BPIFC: variants seen among roughly 807,000 people sequenced by gnomAD.
The protein encoded by BPIFC is BPI fold-containing family C protein.
Under a neutral mutation model 57.6 loss-of-function variants are expected in BPIFC, and 60 were observed. That is an observed-to-expected ratio of 1.04 (90% CI 0.85 to 1.29). The LOEUF is 1.29. BPIFC is among the 50% of genes most tolerant of loss of function. BPIFC has a pLI of 0.00. For missense variants in BPIFC, 581 were observed against 600.5 expected, an observed-to-expected ratio of 0.97 and a Z score of 0.34; for synonymous variants, 243 against 224.5, an observed-to-expected ratio of 1.08 and a Z score of -0.74.
In BPIFC at chr22:32,431,632, AT is replaced by A. The variant is rs928797714; in HGVS notation, c.1150-219del. 1.8e-3 allele frequency among the ~76,000 whole-genome samples: 275 copies of A among 149,518 alleles called. 1 individual carries two copies. The highest frequency in any genetic ancestry group is 5.9e-3 in the African/African-American group (241 of 40,840). On this transcript the variant is annotated intron_variant, in intron 12 of 16. Transcript: ENST00000300399. ...CTTTTTGTTTGATGATCTCCTTTGA[AT>A]TTTTTTTTTCTCCTAATCGCTCTTC...
chr22:32,447,108 G>A (rs1934750830), intron 5 of BPIFC, 104 bp downstream of exon 5: 4 of 1,368,558 alleles, frequency 2.9e-6, no homozygotes, highest in Non-Finnish European at 2.9e-6. Flanking sequence ...TGTTAATAAT[G>A]AGGGAAAGAA....
chr22:32,435,883 G>C lies in BPIFC; in HGVS notation c.748-3C>G, dbSNP rs1278453974. 5 of 1,607,854 alleles carry C rather than the reference G, an allele frequency of 3.1e-6. No homozygotes were observed. The highest frequency in any genetic ancestry group is 4.2e-6 in the Non-Finnish European group (5 of 1,178,354). ...TTTTCCAGTGGGTAGAATACACCCT[G>C]TGGGAAAAGAGAGAGAAAGACCAGT... On this transcript the variant is annotated splice_region_variant and splice_polypyrimidine_tract_variant and intron_variant, in intron 9 of 16. Transcript: ENST00000300399.
intron 13 of BPIFC, 45 bp downstream of exon 13, chr22:32,431,302 C>T: frequency 1.3e-6 from 2 of 1,496,062 alleles, no homozygotes; most frequent in Non-Finnish European, 9.3e-7. Flanking sequence ...TCAGTTGACT[C>T]ACTTATTACT....
At chr22:32,461,820 T>C (rs1935165763) in intron 1 of BPIFC, among the ~76,000 whole-genome samples, 159 bp from the exon 2 acceptor site, 1 of 152,150 alleles carries the variant, frequency 6.6e-6, no homozygotes, top group Non-Finnish European at 1.5e-5. Flanking sequence ...CACTGCCGGC[T>C]AAAAATTGTA....
chr22:32,457,227 G>C (rs907485487), intron 3 of BPIFC, 36 bp downstream of exon 3: 1 of 1,574,180 alleles, frequency 6.4e-7, no homozygotes, highest in African/African-American at 1.4e-5. Flanking sequence ...CCACCTAGTG[G>C]GCCTGAGGTC....
At chr22:32,455,912 T>C (rs1165534541) in intron 3 of BPIFC, among the ~76,000 whole-genome samples, 2 of 152,234 alleles carry the variant, frequency 1.3e-5, no homozygotes, top group African/African-American at 2.4e-5. Flanking sequence ...CCATGCTATA[T>C]TTCCTGTGGG....
chr22:32,444,878 T>C (rs1245359458), intron 7 of BPIFC, among the ~76,000 whole-genome samples: 1 of 152,226 alleles, frequency 6.6e-6, no homozygotes, highest in Non-Finnish European at 1.5e-5. Context: ...ATCGTGTAAC[T>C]GTATACTAAA....
chr22:32,461,713 T>C (rs1601490380), intron 1 of BPIFC, 52 bp from the exon 2 acceptor site: 1 of 924,012 alleles, frequency 1.1e-6, no homozygotes, highest in Non-Finnish European at 1.3e-6. Flanking sequence ...AGAACACTTC[T>C]GGGACTCAGG....
At chr22:32,453,815 G>T (rs1465473886) in intron 3 of BPIFC, among the ~76,000 whole-genome samples, 1 of 152,220 alleles carries the variant, frequency 6.6e-6, no homozygotes, top group Non-Finnish European at 1.5e-5. Context: ...AGGAGCAGTA[G>T]CTCATGCCTG....
intron 2 of BPIFC, among the ~76,000 whole-genome samples, chr22:32,460,131 ACAGAG>A (rs1201285806): frequency 1.3e-5 from 2 of 152,200 alleles, no homozygotes; most frequent in Non-Finnish European, 2.9e-5. Context: ...CTTGAAAAGA[ACAGAG>A]CAGTCTGATT....
chr22:32,428,292 T>TAC (rs1569449121), intron 13 of BPIFC, among the ~76,000 whole-genome samples: 1 of 151,728 alleles, frequency 6.6e-6, no homozygotes, highest in Non-Finnish European at 1.5e-5. Flanking sequence ...TGTGTGTGTG[T>TAC]GTGCTTTTGG....
intron 2 of BPIFC, among the ~76,000 whole-genome samples, chr22:32,458,678 G>C (rs1441883559): frequency 6.6e-6 from 1 of 152,194 alleles, no homozygotes; most frequent in Non-Finnish European, 1.5e-5. Flanking sequence ...TGTGAATTGG[G>C]CCATGTGTGC....
chr22:32,439,580 ATAT>A (rs1480309563), intron 8 of BPIFC, among the ~76,000 whole-genome samples: 3 of 151,982 alleles, frequency 2.0e-5, no homozygotes. Flanking sequence ...TAAAGGAATA[ATAT>A]TATCCTAAGC....
chr22:32,428,921 C>A (rs73170333), intron 13 of BPIFC, among the ~76,000 whole-genome samples: 9,343 of 152,036 alleles, frequency 0.061, 331 homozygotes, highest in African/African-American at 0.1. Flanking sequence ...AATTATATTC[C>A]CTTTGTTGGA....
At chr22:32,463,823 G>A (rs1935209277) in intron 1 of BPIFC, among the ~76,000 whole-genome samples, 1 of 152,162 alleles carries the variant, frequency 6.6e-6, no homozygotes. Context: ...CAAGGACCTT[G>A]AGAATTCATA....
At chr22:32,421,647 CATTG>C (rs1933850440) in intron 13 of BPIFC, among the ~76,000 whole-genome samples, 1 of 152,278 alleles carries the variant, frequency 6.6e-6, no homozygotes, top group Admixed American at 6.5e-5. Context: ...TTCACTTATT[CATTG>C]ATTGGGTCAT....
intron 16 of BPIFC, among the ~76,000 whole-genome samples, chr22:32,414,722 C>T (rs1933620220): frequency 6.6e-6 from 1 of 152,058 alleles, no homozygotes; most frequent in Non-Finnish European, 1.5e-5. Flanking sequence ...CCATTTTGGC[C>T]AGGCTGGTCT....
chr22:32,457,108 G>A (rs369687416), intron 3 of BPIFC, among the ~76,000 whole-genome samples, 155 bp downstream of exon 3: 1 of 152,128 alleles, frequency 6.6e-6, no homozygotes. Context: ...CGCTTTCTTC[G>A]CAGCCATCTT....
At chr22:32,432,628 C>A in intron 11 of BPIFC, 85 bp from the exon 12 acceptor site, 3 of 1,288,632 alleles carry the variant, frequency 2.3e-6, no homozygotes, top group Non-Finnish European at 3.3e-6. Context: ...CCTGTGGTGA[C>A]TAAATCTTAC....
Sources: gnomAD v4.1 joint callset for allele counts (sites outside exome capture counted in the v4.1 genomes callset) on GRCh38, gnomAD v4.1.1 for gene constraint, MANE v1.5 for transcripts, NCBI Gene and HGNC (gene_info 2026-07-23, HGNC 2026-07-21) for gene names.